The following NFIB variants were observed in gnomAD, a reference collection of about 807,000 sequenced individuals.
NFIB encodes nuclear factor I B.
Under a neutral mutation model 61.5 loss-of-function variants are expected in NFIB, and 11 were observed. The ratio of observed to expected loss-of-function variants is 0.18; its 90% CI spans 0.11 to 0.30. The LOEUF is 0.30. NFIB is among the 10% of genes least tolerant of loss of function. The pLI, the probability that NFIB is intolerant of heterozygous loss-of-function variation, is 1.00. For synonymous variants in NFIB, 260 were observed against 216.5 expected (o/e 1.20, Z -1.76); for missense variants, 471 against 608.9 (o/e 0.77, Z 2.38).
chr9:14,204,883 G>A, intron 2 of NFIB: 1 of 369,692 alleles, frequency 2.7e-6, no homozygotes, highest in South Asian at 2.9e-5. Flanking sequence ...AAGACAAAGG[G>A]GCTTTGGTTA....
chr9:14,150,102 T>C (rs757042688), intron 5 of NFIB, 43 bp downstream of exon 5: 3 of 1,611,874 alleles, frequency 1.9e-6, no homozygotes, highest in African/African-American at 1.3e-5. Context: ...TACGAACCTA[T>C]GTGTGTATCA....
intron 1 of NFIB, among the ~76,000 whole-genome samples, chr9:14,335,253 A>C (rs1158427605): frequency 6.6e-6 from 1 of 152,192 alleles, no homozygotes; most frequent in Non-Finnish European, 1.5e-5. Flanking sequence ...ACTTTTTAAG[A>C]AAATGTCAAC....
chr9:14,282,793 A>G (rs7021539), intron 2 of NFIB, among the ~76,000 whole-genome samples: 133,126 of 152,202 alleles, frequency 0.87, 58,673 homozygotes, highest in Non-Finnish European at 0.94. Flanking sequence ...TGAGCTCCTC[A>G]TGCAGGGCTT....
the NFIB span, among the ~76,000 whole-genome samples, chr9:14,412,405 C>T: frequency 0.012 from 1,754 of 152,240 alleles, 19 homozygotes; most frequent in Middle Eastern, 0.061. Context: ...AAGCAAAATG[C>T]GATGGTTTCA....
intron 1 of NFIB, among the ~76,000 whole-genome samples, chr9:14,380,024 A>T (rs2061469110): frequency 6.6e-6 from 1 of 151,898 alleles, no homozygotes; most frequent in Non-Finnish European, 1.5e-5. Context: ...GTCTCATTTG[A>T]CCCTTTGGGA....
chr9:14,112,888 G>A, intron 10 of NFIB, 111 bp downstream of exon 10: 1 of 918,582 alleles, frequency 1.1e-6, no homozygotes, highest in Non-Finnish European at 1.6e-6. Flanking sequence ...ATCAGTTTTG[G>A]TCTCAGAAGC....
Position 14,128,526 on chromosome 9 carries a change from C to T in NFIB, c.926-2760G>A, listed in dbSNP as rs534106441. Among the ~76,000 whole-genome samples, 245 of 151,920 alleles carry T rather than the reference C, an allele frequency of 1.6e-3. 1 individual carries two copies. Among genetic ancestry groups the T allele is most frequent in the Middle Eastern group, 6.8e-3 (2 of 292 alleles). ...CAGCCTGGCCAACATGGTGAAACCC[C>T]GTCTGTACTAAAAATACAAAAATTA... On this transcript the variant is annotated intron_variant, in intron 6 of 10. Transcript: ENST00000380953.
the NFIB span, among the ~76,000 whole-genome samples, chr9:14,519,213 G>A: frequency 6.6e-6 from 1 of 152,144 alleles, no homozygotes; most frequent in Admixed American, 6.5e-5. Context: ...GCTCAACCTC[G>A]TTCAACAAGT....
chr9:14,145,096 A>C (rs551219119), intron 6 of NFIB, among the ~76,000 whole-genome samples: 1 of 151,132 alleles, frequency 6.6e-6, no homozygotes, highest in Admixed American at 6.6e-5. Flanking sequence ...GGGGTCTCTC[A>C]TGAGGGGAGT....
intron 2 of NFIB, among the ~76,000 whole-genome samples, chr9:14,254,560 G>A (rs1252216888): frequency 6.6e-6 from 1 of 152,168 alleles, no homozygotes; most frequent in African/African-American, 2.4e-5. Context: ...GAAGTGAAAT[G>A]ATGAGGCTAA....
At chr9:14,265,987 T>C (rs1008744167) in intron 2 of NFIB, among the ~76,000 whole-genome samples, 1 of 152,122 alleles carries the variant, frequency 6.6e-6, no homozygotes, top group Non-Finnish European at 1.5e-5. Flanking sequence ...CAGAACTAAT[T>C]AGCTGAAGGA....
the NFIB span, among the ~76,000 whole-genome samples, chr9:14,415,682 C>G: frequency 8.5e-5 from 13 of 152,160 alleles, no homozygotes; most frequent in African/African-American, 3.1e-4. Context: ...GTAGAAAGAA[C>G]TGCATTTAAG....
chr9:14,252,209 A>T lies in NFIB; in HGVS notation c.562+54780T>A, dbSNP rs10435727. 8.4e-4 allele frequency among the ~76,000 whole-genome samples: 128 copies of T among 152,310 alleles called. 4 individuals carry two copies. The East Asian group carries it at 0.024, about 28-fold the overall frequency. ...AAAATACAAACATCAGGAATAGCAA[A>T]CGGGCTGATATGGCTGGTGGACTCT... On this transcript the variant is annotated intron_variant, in intron 2 of 10. Transcript: ENST00000380953.
intron 1 of NFIB, among the ~76,000 whole-genome samples, chr9:14,332,004 G>A (rs999101651): frequency 1.3e-5 from 2 of 152,076 alleles, no homozygotes; most frequent in African/African-American, 4.8e-5. Flanking sequence ...GTGCCCCTAG[G>A]CCTGTGATAG....
intron 2 of NFIB, among the ~76,000 whole-genome samples, chr9:14,287,259 G>A (rs1033951166): frequency 1.3e-5 from 2 of 151,752 alleles, no homozygotes; most frequent in South Asian, 2.1e-4. Context: ...GTGAAACCCC[G>A]TCTCTACTAA....
chr9:14,171,780 A>T (rs2045589095), intron 3 of NFIB, among the ~76,000 whole-genome samples: 4 of 152,218 alleles, frequency 2.6e-5, no homozygotes, highest in Admixed American at 2.6e-4. Context: ...TAACCATGAG[A>T]CATCTAGGGA....
intron 7 of NFIB, among the ~76,000 whole-genome samples, chr9:14,124,188 T>C (rs2039336875): frequency 6.6e-6 from 1 of 152,164 alleles, no homozygotes; most frequent in Non-Finnish European, 1.5e-5. Flanking sequence ...TGTTTCGTTA[T>C]ATAAAAATAT....
intron 2 of NFIB, among the ~76,000 whole-genome samples, chr9:14,217,594 A>T (rs1422808615): frequency 2.1e-5 from 3 of 140,074 alleles, no homozygotes; most frequent in Non-Finnish European, 4.6e-5. Context: ...CAGGAAGTGG[A>T]GGTTGCGGTG....
chr9:14,237,841 C>CTGTGTGTG lies in NFIB; in HGVS notation c.563-58062_563-58061insCACACACA, dbSNP rs1563932702. On this transcript the variant is annotated intron_variant, in intron 2 of 10. Transcript: ENST00000380953. ...AAGCTCCTCACCCTGCTAGGTATAA[C>CTGTGTGTG]AGTGTGTGTGTGTGTGTGTGTGTGT... Among the ~76,000 whole-genome samples the CTGTGTGTG allele has an allele frequency of 5.3e-3, 137 of 26,020 alleles. 22 individuals are homozygous for CTGTGTGTG. The East Asian group carries it at 0.064, about 12-fold the overall frequency. 17.1% of individuals were successfully genotyped at this position (26,020 alleles called of 152,430 possible).
Sources: gnomAD v4.1 joint callset for allele counts (sites outside exome capture counted in the v4.1 genomes callset) on GRCh38, gnomAD v4.1.1 for gene constraint, MANE v1.5 for transcripts, NCBI Gene and HGNC (gene_info 2026-07-23, HGNC 2026-07-21) for gene names.